ITFG1: variants seen among roughly 807,000 people sequenced by gnomAD.
ITFG1 encodes integrin alpha FG-GAP repeat containing 1.
ITFG1 carries 34 observed loss-of-function variants against 81.8 expected under a neutral mutation model. That is an observed-to-expected ratio of 0.42 (90% confidence interval 0.32 to 0.55). ITFG1 has a LOEUF of 0.55. ITFG1 is among the 20% of genes least tolerant of loss of function. The probability of loss-of-function intolerance (pLI) is 0.17; values close to 1 mark genes in which losing one functional copy is unlikely to be tolerated. For synonymous variants in ITFG1, 285 were observed against 270.6 expected, an observed-to-expected ratio of 1.05 and a Z score of -0.52; for missense variants, 672 against 755.4, an observed-to-expected ratio of 0.89 and a Z score of 1.29.
At chr16:47,181,823 T>G (rs1965128263) in intron 14 of ITFG1, among the ~76,000 whole-genome samples, 1 of 152,172 alleles carries the variant, frequency 6.6e-6, no homozygotes, top group Non-Finnish European at 1.5e-5. Context: ...AGACTTTTCA[T>G]TTTGTTCTGT....
At chr16:47,393,905 CAT>C (rs984040740) in intron 6 of ITFG1, among the ~76,000 whole-genome samples, 6 of 152,212 alleles carry the variant, frequency 3.9e-5, no homozygotes, top group Admixed American at 1.3e-4. Context: ...TCATTTAAAA[CAT>C]ATGTTTTAAG....
rs114701929 is a variant in ITFG1, at chr16:47,280,310, G to A, written c.1071-19615C>T. On this transcript the variant is annotated intron_variant, in intron 10 of 17. Transcript: ENST00000320640. ...CCCTTGTATTCCCATATTTCTGAGA[G>A]GTTTTATCATGAATGCATTGAATTT... 3.2e-3 allele frequency among the ~76,000 whole-genome samples: 493 copies of A among 152,004 alleles called. 2 individuals carry two copies. Among genetic ancestry groups the A allele is most frequent in the African/African-American group, 0.011 (464 of 41,482 alleles).
intron 8 of ITFG1, among the ~76,000 whole-genome samples, chr16:47,358,860 T>C (rs894978036): frequency 1.3e-5 from 2 of 152,134 alleles, no homozygotes; most frequent in Non-Finnish European, 2.9e-5. Context: ...AATACACCAA[T>C]GGAGTTCTGG....
intron 14 of ITFG1, among the ~76,000 whole-genome samples, chr16:47,199,893 G>A (rs1414714441): frequency 2.0e-5 from 3 of 152,154 alleles, no homozygotes; most frequent in African/African-American, 7.2e-5. Context: ...CATAAGGAGT[G>A]CACAACCTAG....
At chr16:47,266,869 CA>C (rs1267192969) in intron 10 of ITFG1, among the ~76,000 whole-genome samples, 13 of 151,926 alleles carry the variant, frequency 8.6e-5, no homozygotes, top group Non-Finnish European at 1.8e-4. Context: ...TCTATTTGGC[CA>C]AAAAAGGAAT....
chr16:47,181,859 G>A (rs1465233610), intron 14 of ITFG1, among the ~76,000 whole-genome samples: 1 of 152,174 alleles, frequency 6.6e-6, no homozygotes, highest in African/African-American at 2.4e-5. Context: ...TCTGCCTTGG[G>A]ATCCTGTTGA....
intron 10 of ITFG1, among the ~76,000 whole-genome samples, chr16:47,270,738 TAAAGA>T: frequency 1.3e-5 from 2 of 152,216 alleles, no homozygotes; most frequent in Non-Finnish European, 2.9e-5. Context: ...AGCAAAGAGC[TAAAGA>T]TACATGTAAA....
intron 8 of ITFG1, among the ~76,000 whole-genome samples, chr16:47,334,702 C>T (rs542474394): frequency 1.1e-4 from 17 of 152,134 alleles, no homozygotes; most frequent in Non-Finnish European, 1.8e-4. Context: ...AGCTCCTTCC[C>T]CACCCTGAGT....
rs920966590 is a variant in ITFG1, at chr16:47,430,057, CTTTTTTTTT to C, written c.561-1168_561-1160del. ...GGCTGTGGGTTGTCTTTTTACTTTT[CTTTTTTTTT>C]TTTTTTTTTGAATCAGAGTCTCGCT... On this transcript the variant is annotated intron_variant, in intron 5 of 17. Transcript: ENST00000320640. Among the ~76,000 whole-genome samples, 7 of 122,006 alleles carry C rather than the reference CTTTTTTTTT, an allele frequency of 5.7e-5. No homozygotes were observed. The East Asian group carries it at 1.2e-3, about 20-fold the overall frequency. 80.0% of individuals were successfully genotyped at this position (122,006 alleles called of 152,430 possible).
intron 8 of ITFG1, among the ~76,000 whole-genome samples, chr16:47,325,477 G>C (rs1255782070): frequency 6.6e-6 from 1 of 152,142 alleles, no homozygotes; most frequent in Non-Finnish European, 1.5e-5. Flanking sequence ...TAAGATCAGA[G>C]TAGAACTGAA....
At chr16:47,181,626 C>T (rs1284541534) in intron 14 of ITFG1, among the ~76,000 whole-genome samples, 2 of 150,606 alleles carry the variant, frequency 1.3e-5, no homozygotes, top group Non-Finnish European at 3.0e-5. Context: ...TGCCCGGCCG[C>T]CCCTACTGGG....
rs146650328 is a variant in ITFG1, at chr16:47,323,833, C to G, written c.803-10010G>C. On this transcript the variant is annotated intron_variant, in intron 8 of 17. Coordinates refer to ENST00000320640, the MANE Select transcript of ITFG1 (RefSeq NM_030790.5). ...ATGGTGGAAATGTTTCCTAAACATTCTACATGGCAACAGCCTTGTTTATTT... is the reference window on the plus strand; with the variant it reads ...ATGGTGGAAATGTTTCCTAAACATTGTACATGGCAACAGCCTTGTTTATTT... Among the ~76,000 whole-genome samples, 254 of 152,168 alleles carry G rather than the reference C, an allele frequency of 1.7e-3. 2 individuals are homozygous for G. The highest frequency in any genetic ancestry group is 5.4e-3 in the African/African-American group (224 of 41,530).
intron 6 of ITFG1, among the ~76,000 whole-genome samples, chr16:47,411,422 G>C (rs1033427617): frequency 2.6e-5 from 4 of 152,196 alleles, no homozygotes; most frequent in African/African-American, 9.6e-5. Context: ...CTGGTGGAGG[G>C]AGGGTGTGCT....
chr16:47,437,897 G>C (rs1221531434), intron 5 of ITFG1, among the ~76,000 whole-genome samples: 1 of 152,232 alleles, frequency 6.6e-6, no homozygotes, highest in Non-Finnish European at 1.5e-5. Context: ...CGCCTCACCT[G>C]GGAAGCGCAA....
chr16:47,216,351 A>G (rs1965624805), intron 14 of ITFG1, among the ~76,000 whole-genome samples: 2 of 152,010 alleles, frequency 1.3e-5, no homozygotes, highest in Admixed American at 6.5e-5. Flanking sequence ...GTGCCACCAC[A>G]CCTGGCTAAT....
intron 13 of ITFG1, among the ~76,000 whole-genome samples, chr16:47,221,586 T>C (rs545273779): frequency 1.3e-5 from 2 of 152,346 alleles, no homozygotes; most frequent in African/African-American, 4.8e-5. Context: ...ATCAGGATGA[T>C]GCTGGCCTCA....
rs1277399582 is a variant in ITFG1 at position 47,154,919 on chromosome 16, T to C, written c.*800A>G. On this transcript the variant is annotated 3_prime_UTR_variant, in exon 18 of 18. Coordinates refer to ENST00000320640, the MANE Select transcript of ITFG1 (RefSeq NM_030790.5). ...TTTCCAAAGAATATTTCTTCATGCC[T>C]GAAAATAAAATTCTATCAAGTCTAT... 1 of 152,228 alleles carries C rather than the reference T, an allele frequency of 6.6e-6. No homozygotes were observed. Among genetic ancestry groups the C allele is most frequent in the Non-Finnish European group, 1.5e-5 (1 of 68,034 alleles). 9.4% of individuals were successfully genotyped at this position (152,228 alleles called of 1,614,324 possible). A position where few individuals can be genotyped will look rare whatever the true frequency, so the allele number is the denominator to read the frequency against.
chr16:47,231,142 T>C (rs1194125832), intron 13 of ITFG1, among the ~76,000 whole-genome samples: 1 of 152,248 alleles, frequency 6.6e-6, no homozygotes, highest in Non-Finnish European at 1.5e-5. Context: ...ATGGAGCTCT[T>C]TGAAAGGAAT....
intron 13 of ITFG1, among the ~76,000 whole-genome samples, chr16:47,230,994 C>T (rs1439912566): frequency 6.6e-6 from 1 of 152,158 alleles, no homozygotes; most frequent in Non-Finnish European, 1.5e-5. Flanking sequence ...GTGATCTGCC[C>T]GCCTCAGCCT....
Sources: gnomAD v4.1 joint callset for allele counts (sites outside exome capture counted in the v4.1 genomes callset) on GRCh38, gnomAD v4.1.1 for gene constraint, MANE v1.5 for transcripts, NCBI Gene and HGNC (gene_info 2026-07-23, HGNC 2026-07-21) for gene names.